SYNE3: variants seen among roughly 807,000 people sequenced by gnomAD.
SYNE3 encodes the protein spectrin repeat containing nuclear envelope family member 3, also known as nesprin-3.
A neutral mutation model predicts 111.2 loss-of-function variants in SYNE3; 100 were observed. That is an observed-to-expected ratio of 0.90 (90% CI 0.77 to 1.06). The LOEUF (loss-of-function observed/expected upper bound fraction) is 1.06, where lower values mean the gene tolerates loss of function less well. Ranked by LOEUF, SYNE3 falls within the 50% of genes least tolerant of loss-of-function variation. SYNE3 has a pLI of 0.00. For synonymous variants in SYNE3, 547 were observed against 533.9 expected, an observed-to-expected ratio of 1.02 and a Z score of -0.34; for missense variants, 1,160 against 1,240.3, an observed-to-expected ratio of 0.94 and a Z score of 0.97.
chr14:95,457,448 G>T, intron 4 of SYNE3, 110 bp from the exon 5 acceptor site: 1 of 1,308,096 alleles, frequency 7.6e-7, no homozygotes, highest in Non-Finnish European at 1.1e-6. Context: ...GTGTGTGTTA[G>T]CAGGGGGTGC....
intron 6 of SYNE3, 122 bp downstream of exon 6, chr14:95,455,255 G>A (rs1024957169): frequency 4.3e-5 from 32 of 749,254 alleles, no homozygotes; most frequent in African/African-American, 3.1e-4. Context: ...CAAGAATCCC[G>A]GAGAAACAGA....
rs1301011848 is a variant in SYNE3, at chr14:95,413,945, G to C, written c.*3881C>G. On this transcript the variant is annotated 3_prime_UTR_variant, in exon 18 of 18. Coordinates refer to ENST00000682763, the MANE Select transcript of SYNE3 (RefSeq NM_152592.6). ...CCGAGGACCTCATCATGAGACATTA[G>C]AGGGGCTCATCTTCCAGGTGAGCAA... 3.9e-5 allele frequency: 6 copies of C among 152,392 alleles called. No individual in the cohort carries two copies. The highest frequency in any genetic ancestry group is 1.2e-4 in the African/African-American group (5 of 41,454). 9.4% of individuals were successfully genotyped at this position (152,392 alleles called of 1,614,324 possible).
chr14:95,473,074 T>G (rs536062379), intron 2 of SYNE3, among the ~76,000 whole-genome samples: 6 of 152,314 alleles, frequency 3.9e-5, no homozygotes, highest in Admixed American at 3.9e-4. Context: ...TCTTACCAGC[T>G]GGCAACAGGA....
chr14:95,451,027 G>A (rs1248336343), intron 7 of SYNE3: 1 of 152,236 alleles, frequency 6.6e-6, no homozygotes, highest in African/African-American at 2.4e-5. Flanking sequence ...CTTTGACCCT[G>A]AGGGCATTTG....
intron 4 of SYNE3, among the ~76,000 whole-genome samples, chr14:95,465,160 G>A (rs1888083530): frequency 6.6e-6 from 1 of 152,004 alleles, no homozygotes; most frequent in African/African-American, 2.4e-5. Context: ...CACTGAAGGA[G>A]AAGGATTAAA....
intron 1 of SYNE3, among the ~76,000 whole-genome samples, chr14:95,503,835 G>T (rs179162): frequency 1.3e-5 from 2 of 151,968 alleles, no homozygotes; most frequent in Non-Finnish European, 2.9e-5. Context: ...GCCCATGCTG[G>T]TCTCAAATTC....
intron 4 of SYNE3, among the ~76,000 whole-genome samples, chr14:95,460,405 G>A (rs1242888623): frequency 1.5e-5 from 2 of 130,776 alleles, no homozygotes; most frequent in African/African-American, 2.9e-5. Context: ...ATTTTTAGAA[G>A]AGACGGGGTT....
chr14:95,457,537 A>G (rs1887544739), intron 4 of SYNE3, among the ~76,000 whole-genome samples, 199 bp from the exon 5 acceptor site: 1 of 152,152 alleles, frequency 6.6e-6, no homozygotes, highest in South Asian at 2.1e-4. Flanking sequence ...ATGCCAAGAG[A>G]GTTGGCTTTG....
intron 15 of SYNE3, among the ~76,000 whole-genome samples, chr14:95,435,936 C>A (rs950217379): frequency 6.6e-6 from 1 of 152,138 alleles, no homozygotes; most frequent in Admixed American, 6.5e-5. Flanking sequence ...AGGCTACAGC[C>A]ATAGTCAAGG....
chr14:95,439,859 G>T (rs527643954), intron 12 of SYNE3, 55 bp downstream of exon 12: 1 of 1,593,044 alleles, frequency 6.3e-7, no homozygotes, highest in African/African-American at 1.3e-5. Flanking sequence ...GTGTGGGAAC[G>T]TTGGCCTGTC....
chr14:95,437,916 C>T (rs898993941), intron 14 of SYNE3: 2 of 152,148 alleles, frequency 1.3e-5, no homozygotes, highest in Non-Finnish European at 2.9e-5. Context: ...ATGCTCTCTC[C>T]CTTGCAGGTG....
At chr14:95,436,736 T>C in intron 15 of SYNE3, 84 bp downstream of exon 15, 1 of 1,490,846 alleles carries the variant, frequency 6.7e-7, no homozygotes, top group South Asian at 1.2e-5. Context: ...GTGGGTGTGT[T>C]CCTTCTTTTG....
Position 95,455,648 on chromosome 14 carries a change from T to C in SYNE3, c.866A>G (p.Asn289Ser). 1 of 1,614,180 alleles carries C rather than the reference T, an allele frequency of 6.2e-7. No homozygotes were observed. The highest frequency in any genetic ancestry group is 8.5e-7 in the Non-Finnish European group (1 of 1,180,034). The change falls in exon 6 of 18, where the codon AAC becomes AGC. Residue 289 changes from asparagine (N) to serine (S), a missense_variant. Physicochemically the swap from Asn to Ser is conservative, Grantham distance 46. Coordinates refer to ENST00000682763, the MANE Select transcript of SYNE3 (RefSeq NM_152592.6). ...LEEQSAGVIR[N>S]TSPLGAEKIT... ...CTTCTCTGCACCCAAAGGAGAGGTG[T>C]TCCGAATGACACCCGCAGACTGCTC...
chr14:95,457,267 T>G lies in SYNE3; in HGVS notation c.699A>C (p.Gln233His), dbSNP rs781591151. 6 of 1,614,022 alleles carry G rather than the reference T, an allele frequency of 3.7e-6. No individual in the cohort carries two copies. In the Admixed American group the frequency reaches 8.3e-5, roughly 22 times the overall value. Residue 233 changes from glutamine to histidine, a missense_variant, in exon 5 of 18, where the codon CAA (glutamine) becomes CAC (histidine). Gln to His is a conservative substitution (Grantham distance 24). Transcript: ENST00000682763. ...EEYQAGVDEF[Q>H]LWLKAVVEKV... is the part of the protein sequence containing the mutation. ...TCTCCACCACCGCCTTCAGCCACAG[T>G]TGGAACTCGTCCACACCTGCCTGGT... is the stretch of plus-strand genomic sequence containing the variant.
chr14:95,469,665 C>T (rs114991087), intron 2 of SYNE3, among the ~76,000 whole-genome samples: 272 of 151,904 alleles, frequency 1.8e-3, no homozygotes, highest in African/African-American at 5.2e-3. Flanking sequence ...GAGCCGTGAT[C>T]AAACCACTAC....
Position 95,415,400 on chromosome 14 carries a change from T to C in SYNE3, c.*2426A>G, listed in dbSNP as rs1303904044. On this transcript the variant is annotated 3_prime_UTR_variant, in exon 18 of 18. Transcript: ENST00000682763. The stretch of plus-strand genomic sequence containing the variant: ...TGGTCGCCTGCAGAGAACGGCCCTA[T>C]GGCTTGGTTTCCAGATATCTGGAGA... The C allele has an allele frequency of 2.0e-5, 3 of 152,078 alleles. No homozygotes were observed. Among genetic ancestry groups the C allele is most frequent in the Non-Finnish European group, 4.4e-5 (3 of 68,028 alleles). 9.4% of individuals were successfully genotyped at this position (152,078 alleles called of 1,614,324 possible).
rs1348590351 is a variant in SYNE3 at position 95,414,466 on chromosome 14, G to A, written c.*3360C>T. 1.3e-5 allele frequency: 2 copies of A among 152,136 alleles called. No individual in the cohort carries two copies. The highest frequency in any genetic ancestry group is 6.5e-5 in the Admixed American group (1 of 15,268). 9.4% of individuals were successfully genotyped at this position (152,136 alleles called of 1,614,324 possible). A position where few individuals can be genotyped will look rare whatever the true frequency, so the allele number is the denominator to read the frequency against. ...CCCGCCACCACTGGGCACCTCCCAG[G>A]GTCTCCTCGCCTCGTCTGCTGTCAG... On this transcript the variant is annotated 3_prime_UTR_variant, in exon 18 of 18. Coordinates refer to ENST00000682763, the MANE Select transcript of SYNE3 (RefSeq NM_152592.6).
At chr14:95,461,714 G>A (rs1457731661) in intron 4 of SYNE3, among the ~76,000 whole-genome samples, 10 of 152,238 alleles carry the variant, frequency 6.6e-5, no homozygotes, top group South Asian at 2.1e-4. Context: ...ATCCCACCCC[G>A]AGGCCAGGCC....
chr14:95,506,519 G>A (rs1890534953), intron 1 of SYNE3, among the ~76,000 whole-genome samples: 1 of 152,210 alleles, frequency 6.6e-6, no homozygotes, highest in Non-Finnish European at 1.5e-5. Flanking sequence ...AGCAACACCT[G>A]AGCCAAGGGC....
Sources: allele counts gnomAD v4.1 joint callset (sites outside exome capture counted in the v4.1 genomes callset), GRCh38; gene constraint gnomAD v4.1.1; transcripts MANE v1.5; gene names NCBI Gene and HGNC (gene_info 2026-07-23, HGNC 2026-07-21).